SH3KBP1: variants seen among roughly 807,000 people sequenced by gnomAD.
SH3KBP1 encodes SH3 domain-containing kinase-binding protein 1.
SH3KBP1 carries 8 observed loss-of-function variants against 50.1 expected under a neutral mutation model. The observed-to-expected ratio is 0.16, with a 90% confidence interval of 0.09 to 0.29. SH3KBP1 has a LOEUF of 0.29. SH3KBP1 is among the 10% of genes least tolerant of loss of function. The pLI, the probability that SH3KBP1 is intolerant of heterozygous loss-of-function variation, is 1.00. For missense variants in SH3KBP1, 377 were observed against 535.2 expected, an observed-to-expected ratio of 0.70 and a Z score of 2.92; for synonymous variants, 227 against 218.6, an observed-to-expected ratio of 1.04 and a Z score of -0.34.
chrX:19,612,125 A>G (rs2067448441), intron 8 of SH3KBP1, among the ~76,000 whole-genome samples: 1 of 111,457 alleles, frequency 9.0e-6, no homozygotes, highest in Non-Finnish European at 1.9e-5. Context: ...AATAGGAATA[A>G]TTTTAACAGC....
intron 7 of SH3KBP1, among the ~76,000 whole-genome samples, chrX:19,642,820 G>A (rs1375190439): frequency 9.0e-6 from 1 of 110,797 alleles, no homozygotes; most frequent in Non-Finnish European, 1.9e-5. Context: ...TTTTGAGAGG[G>A]TGGGGATGAT....
At chrX:19,680,565 G>A (rs906489937) in intron 6 of SH3KBP1, among the ~76,000 whole-genome samples, 2 of 110,855 alleles carry the variant, frequency 1.8e-5, no homozygotes. Context: ...ATGCTATCAC[G>A]CAAGATCCAA....
intron 2 of SH3KBP1, among the ~76,000 whole-genome samples, chrX:19,760,059 TCTCTC>T (rs2065361477): frequency 1.1e-5 from 1 of 89,472 alleles, no homozygotes; most frequent in East Asian, 3.4e-4. Flanking sequence ...TCTCTCTCTC[TCTCTC>T]TCTCTCTCTC....
chrX:19,821,809 G>A (rs746700009), intron 2 of SH3KBP1, among the ~76,000 whole-genome samples: 89 of 112,195 alleles, frequency 7.9e-4, no homozygotes, highest in African/African-American at 2.8e-3. Context: ...GATTACCGGC[G>A]TGAGCCACCG....
At chrX:19,757,519 C>T (rs2065247931) in intron 2 of SH3KBP1, among the ~76,000 whole-genome samples, 1 of 107,253 alleles carries the variant, frequency 9.3e-6, no homozygotes, top group Admixed American at 1.0e-4. Context: ...ACACAGATTC[C>T]CTGCATTTTT....
At chrX:19,610,202 C>T (rs1005481701) in intron 8 of SH3KBP1, among the ~76,000 whole-genome samples, 1 of 111,915 alleles carries the variant, frequency 8.9e-6, no homozygotes, top group Non-Finnish European at 1.9e-5. Context: ...GCTTATCTTT[C>T]TGGAAAAATG....
intron 12 of SH3KBP1, among the ~76,000 whole-genome samples, chrX:19,571,120 C>G (rs892703080): frequency 5.3e-5 from 6 of 112,161 alleles, no homozygotes; most frequent in African/African-American, 1.9e-4. Context: ...GGTAAGAATA[C>G]CAGGGACCAG....
intron 3 of SH3KBP1, among the ~76,000 whole-genome samples, chrX:19,730,475 C>A (rs1158488144): frequency 9.0e-6 from 1 of 111,096 alleles, no homozygotes; most frequent in Non-Finnish European, 1.9e-5. Context: ...ACCAAAGAAT[C>A]CATCCAAGTG....
intron 13 of SH3KBP1, among the ~76,000 whole-genome samples, chrX:19,554,192 TATA>T (rs1312729658): frequency 1.2e-4 from 9 of 72,837 alleles, no homozygotes; most frequent in Admixed American, 3.9e-4. Flanking sequence ...AATATAATAT[TATA>T]TATCATATTA....
intron 12 of SH3KBP1, among the ~76,000 whole-genome samples, chrX:19,574,109 A>G (rs779193889): frequency 2.7e-5 from 3 of 111,358 alleles, no homozygotes; most frequent in African/African-American, 9.8e-5. Context: ...TCTCTGGCCA[A>G]TGTTGTGAAT....
chrX:19,571,763 T>C (rs776740576), intron 12 of SH3KBP1, among the ~76,000 whole-genome samples: 10 of 110,003 alleles, frequency 9.1e-5, no homozygotes, highest in African/African-American at 3.0e-4. Flanking sequence ...TCAAAACTTA[T>C]AAGACCACAT....
rs1556408670 is a variant in SH3KBP1 at position 19,831,798 on chromosome X, A to AAAAAAG, written c.162+4326_162+4327insCTTTTT. ...AAGGGTAAAACTCCATCCCAAAAAAAAAAAAAGAAAGACATTCCACAAAAC... is the reference window on the plus strand; with the variant it reads ...AAGGGTAAAACTCCATCCCAAAAAAAAAAAAGAAAAAAGAAAGACATTCCACAAAAC... On this transcript the variant is annotated intron_variant, in intron 2 of 17. Coordinates refer to ENST00000397821, the MANE Select transcript of SH3KBP1 (RefSeq NM_031892.3). Among the ~76,000 whole-genome samples the AAAAAAG allele has an allele frequency of 7.2e-4, 76 of 105,873 alleles. 3 individuals are homozygous for AAAAAAG. Among genetic ancestry groups the AAAAAAG allele is most frequent in the African/African-American group, 2.5e-3 (70 of 28,209 alleles). 91.9% of individuals were successfully genotyped at this position (105,873 alleles called of 115,157 possible).
At chrX:19,864,770 G>A (rs1234220383) in intron 1 of SH3KBP1, among the ~76,000 whole-genome samples, 18 of 112,071 alleles carry the variant, frequency 1.6e-4, no homozygotes. Flanking sequence ...AATTTGTTAG[G>A]GCAACAATAG....
intron 1 of SH3KBP1, among the ~76,000 whole-genome samples, chrX:19,884,646 T>A (rs2064124603): frequency 8.9e-6 from 1 of 112,797 alleles, no homozygotes; most frequent in African/African-American, 3.2e-5. Flanking sequence ...CTACCGCCAA[T>A]ACAATAAATA....
intron 1 of SH3KBP1, among the ~76,000 whole-genome samples, chrX:19,864,785 C>T (rs772262455): frequency 8.9e-5 from 10 of 112,285 alleles, no homozygotes; most frequent in South Asian, 7.4e-4. Flanking sequence ...CAATAGGAAA[C>T]GAATATACCT....
intron 6 of SH3KBP1, among the ~76,000 whole-genome samples, chrX:19,677,151 T>C (rs1243300874): frequency 8.9e-6 from 1 of 112,100 alleles, no homozygotes; most frequent in Non-Finnish European, 1.9e-5. Flanking sequence ...AGCATTATTC[T>C]ATATAAAGCC....
chrX:19,853,876 C>T (rs952495784), intron 1 of SH3KBP1, among the ~76,000 whole-genome samples: 7 of 108,171 alleles, frequency 6.5e-5, no homozygotes, highest in Non-Finnish European at 1.2e-4. Flanking sequence ...GCAGAAGAAT[C>T]GCTTGAATCC....
At chrX:19,751,367 T>C (rs1047858261) in intron 2 of SH3KBP1, among the ~76,000 whole-genome samples, 6 of 111,325 alleles carry the variant, frequency 5.4e-5, no homozygotes, top group Admixed American at 2.9e-4. Context: ...ATCAGGCCCG[T>C]GTTTTTTTGC....
At chrX:19,798,260 T>A (rs779299968) in intron 2 of SH3KBP1, among the ~76,000 whole-genome samples, 1 of 109,071 alleles carries the variant, frequency 9.2e-6, no homozygotes, top group Non-Finnish European at 1.9e-5. Context: ...AATTTTTTTT[T>A]ATTTTTGGTA....
Sources: allele counts gnomAD v4.1 joint callset (sites outside exome capture counted in the v4.1 genomes callset), GRCh38; gene constraint gnomAD v4.1.1; transcripts MANE v1.5; gene names NCBI Gene and HGNC (gene_info 2026-07-23, HGNC 2026-07-21).